The following MACO1 variants were observed in gnomAD, a reference collection of about 807,000 sequenced individuals.
The protein encoded by MACO1 is macoilin 1, also known as macoilin.
MACO1 carries 14 observed loss-of-function variants against 78.7 expected under a neutral mutation model. The observed-to-expected ratio is 0.18, with a 90% CI of 0.12 to 0.28. The LOEUF is 0.28. Ranked by LOEUF, MACO1 falls within the 10% of genes least tolerant of loss-of-function variation. The pLI, the probability that MACO1 is intolerant of heterozygous loss-of-function variation, is 1.00. For missense variants in MACO1, 501 were observed against 799.0 expected, an observed-to-expected ratio of 0.63 and a Z score of 4.50; for synonymous variants, 288 against 291.6, an observed-to-expected ratio of 0.99 and a Z score of 0.12.
intron 6 of MACO1, among the ~76,000 whole-genome samples, chr1:25,479,472 G>C (rs2043351654): frequency 6.6e-6 from 1 of 151,952 alleles, no homozygotes; most frequent in Non-Finnish European, 1.5e-5. Context: ...GGAGTGCAGT[G>C]GTGTGATCTT....
rs1212372275 is a variant in MACO1 at position 25,458,616 on chromosome 1, T to C, written c.878T>C (p.Ile293Thr). The C allele has an allele frequency of 6.2e-7, 1 of 1,613,818 alleles. No homozygotes were observed. Among genetic ancestry groups the C allele is most frequent in the Non-Finnish European group, 8.5e-7 (1 of 1,179,950 alleles). Residue 293 changes from isoleucine (I) to threonine (T), a missense_variant, in exon 6 of 11, where the codon ATC (isoleucine) becomes ACC (threonine). By Grantham distance (89) the Ile-to-Thr change is moderately conservative. Coordinates refer to ENST00000374343, the MANE Select transcript of MACO1 (RefSeq NM_018202.6). ...GAGATTGAGTATATGGAAAACCATATCAATAGTAAAAGATTAAATAATGAT... is the reference window on the plus strand; with the variant it reads ...GAGATTGAGTATATGGAAAACCATACCAATAGTAAAAGATTAAATAATGAT... ...IQEIEYMENH[I>T]NSKRLNNDLV...
intron 6 of MACO1, among the ~76,000 whole-genome samples, chr1:25,466,889 T>C (rs1436555356): frequency 6.6e-6 from 1 of 152,154 alleles, no homozygotes; most frequent in African/African-American, 2.4e-5. Flanking sequence ...TATATAAAAA[T>C]CATTTTCTCA....
intron 8 of MACO1, among the ~76,000 whole-genome samples, chr1:25,487,798 G>T (rs1394906925): frequency 1.3e-5 from 2 of 152,294 alleles, no homozygotes; most frequent in African/African-American, 4.8e-5. Flanking sequence ...ATCTGGCTTT[G>T]TGTGTATTGT....
rs1172083498 is a variant in MACO1 at position 25,430,964 on chromosome 1, C to T, written c.-135C>T. 8.0e-6 allele frequency: 4 copies of T among 502,948 alleles called. No individual in the cohort carries two copies. Among genetic ancestry groups the T allele is most frequent in the African/African-American group, 2.1e-5 (1 of 48,486 alleles). The allele number at this position is 502,948 out of a possible 1,614,324, so 31.2% of individuals were successfully genotyped here. A position where few individuals can be genotyped will look rare whatever the true frequency, so the allele number is the denominator to read the frequency against. Reference sequence around the variant, plus strand: ...CCCTCCCCGTGCTACCCCCTCCCCCCGGGTGCTGGCTCCATGTCTGTGTGA... The same window carrying T: ...CCCTCCCCGTGCTACCCCCTCCCCCTGGGTGCTGGCTCCATGTCTGTGTGA... On this transcript the variant is annotated 5_prime_UTR_variant, in exon 1 of 11. Transcript: ENST00000374343.
chr1:25,464,847 G>A (rs573305093), intron 6 of MACO1, among the ~76,000 whole-genome samples: 97 of 151,288 alleles, frequency 6.4e-4, no homozygotes, highest in African/African-American at 2.3e-3. Flanking sequence ...TAGTAGAGAC[G>A]GTTTTTTAGT....
intron 4 of MACO1, among the ~76,000 whole-genome samples, chr1:25,456,348 C>G (rs1027860211): frequency 2.6e-5 from 4 of 151,976 alleles, no homozygotes; most frequent in African/African-American, 9.7e-5. Flanking sequence ...TTATTAGCCA[C>G]TGTATCTGAC....
intron 6 of MACO1, among the ~76,000 whole-genome samples, chr1:25,480,092 G>C (rs569486319): frequency 6.6e-6 from 1 of 152,290 alleles, no homozygotes; most frequent in African/African-American, 2.4e-5. Context: ...ACTCAATGCA[G>C]GTGGTAAATC....
intron 9 of MACO1, 101 bp downstream of exon 9, chr1:25,489,394 TC>T (rs1035856543): frequency 7.7e-7 from 1 of 1,302,614 alleles, no homozygotes; most frequent in African/African-American, 1.5e-5. Context: ...TTAATATAGA[TC>T]AAATCTCATT....
intron 5 of MACO1, among the ~76,000 whole-genome samples, chr1:25,457,459 G>A (rs1229777361): frequency 6.6e-6 from 1 of 152,068 alleles, no homozygotes; most frequent in Non-Finnish European, 1.5e-5. Context: ...AAATACTATG[G>A]AACTATGTGA....
At chr1:25,486,005 A>G (rs1258642805) in intron 8 of MACO1, among the ~76,000 whole-genome samples, 1 of 152,190 alleles carries the variant, frequency 6.6e-6, no homozygotes, top group East Asian at 1.9e-4. Context: ...GACCTCATCT[A>G]TAAAGTGGGA....
rs2043572418 is a variant in MACO1, at chr1:25,499,998, T to C, written c.*1532T>C. The C allele has an allele frequency of 6.6e-6, 1 of 152,226 alleles. No homozygotes were observed. Among genetic ancestry groups the C allele is most frequent in the South Asian group, 2.1e-4 (1 of 4,828 alleles). 9.4% of individuals were successfully genotyped at this position (152,226 alleles called of 1,614,324 possible). A position where few individuals can be genotyped will look rare whatever the true frequency, so the allele number is the denominator to read the frequency against. ...TGCCATTTTGCATTTTTGAATCATC[T>C]TGTGTAATTGTCACCATGAAAGTGT... On this transcript the variant is annotated 3_prime_UTR_variant, in exon 11 of 11. Coordinates refer to ENST00000374343, the MANE Select transcript of MACO1 (RefSeq NM_018202.6).
chr1:25,465,121 G>A (rs2043207364), intron 6 of MACO1, among the ~76,000 whole-genome samples: 1 of 152,210 alleles, frequency 6.6e-6, no homozygotes. Context: ...CCTGCTCCGT[G>A]TCTTTTCCTG....
chr1:25,453,213 C>T (rs2043083608), intron 3 of MACO1, among the ~76,000 whole-genome samples: 1 of 149,566 alleles, frequency 6.7e-6, no homozygotes, highest in South Asian at 2.1e-4. Flanking sequence ...GCCATGTTGG[C>T]CAGGCTGGTC....
chr1:25,463,142 G>A, intron 6 of MACO1, among the ~76,000 whole-genome samples: 1 of 152,136 alleles, frequency 6.6e-6, no homozygotes, highest in East Asian at 1.9e-4. Context: ...GAGTTCCAGG[G>A]GGCAGAAGCT....
chr1:25,494,470 G>A (rs1042147725), intron 10 of MACO1, among the ~76,000 whole-genome samples: 4 of 152,210 alleles, frequency 2.6e-5, no homozygotes, highest in African/African-American at 7.2e-5. Context: ...GAGTGGGAGG[G>A]TAGGGGACCA....
At chr1:25,469,314 C>T (rs1299643674) in intron 6 of MACO1, among the ~76,000 whole-genome samples, 4 of 152,140 alleles carry the variant, frequency 2.6e-5, no homozygotes, top group Admixed American at 1.3e-4. Flanking sequence ...GTCTGTGATA[C>T]GAGTTTTTGT....
At chr1:25,481,441 C>T (rs1404877049) in intron 6 of MACO1, among the ~76,000 whole-genome samples, 6 of 152,082 alleles carry the variant, frequency 3.9e-5, no homozygotes, top group African/African-American at 9.7e-5. Flanking sequence ...AGAGAGTTGG[C>T]GCCAGAGCTG....
intron 6 of MACO1, among the ~76,000 whole-genome samples, chr1:25,471,565 G>A (rs1239972962): frequency 1.3e-5 from 2 of 152,150 alleles, no homozygotes; most frequent in African/African-American, 4.8e-5. Context: ...TCACTGGTTT[G>A]TCACAGTACA....
In MACO1 at chr1:25,439,476, G is replaced by A. The variant is rs540770116; in HGVS notation, c.81-7286G>A. On this transcript the variant is annotated intron_variant, in intron 1 of 10. Transcript: ENST00000374343. ...GCAGTGGCTGCACATGTACGCGCGCGTGTGTGTGTGTGTAATTGACACTAG... is the reference window on the plus strand; with the variant it reads ...GCAGTGGCTGCACATGTACGCGCGCATGTGTGTGTGTGTAATTGACACTAG... Among the ~76,000 whole-genome samples the A allele has an allele frequency of 5.4e-5, 8 of 147,370 alleles. No homozygotes were observed. In the South Asian group the frequency reaches 8.3e-4, roughly 15 times the overall value.
Sources: gnomAD v4.1 joint callset for allele counts (sites outside exome capture counted in the v4.1 genomes callset) on GRCh38, gnomAD v4.1.1 for gene constraint, MANE v1.5 for transcripts, NCBI Gene and HGNC (gene_info 2026-07-23, HGNC 2026-07-21) for gene names.